The following SEZ6L2 variants were observed in gnomAD, a reference collection of about 807,000 sequenced individuals.
The protein encoded by SEZ6L2 is seizure related 6 homolog like 2, also known as seizure 6-like protein 2.
Under a neutral mutation model 97.0 loss-of-function variants are expected in SEZ6L2, and 44 were observed. The ratio of observed to expected loss-of-function variants is 0.45; its 90% CI spans 0.36 to 0.58. SEZ6L2 has a LOEUF of 0.58. SEZ6L2 is among the 20% of genes least tolerant of loss of function. The pLI, the probability that SEZ6L2 is intolerant of heterozygous loss-of-function variation, is 0.00. For missense variants in SEZ6L2, 1,086 were observed against 1,233.3 expected (o/e 0.88, Z 1.79); for synonymous variants, 543 against 546.1 (o/e 0.99, Z 0.08).
At chr16:29,892,414 T>C (rs1192952981) in intron 5 of SEZ6L2, among the ~76,000 whole-genome samples, 3 of 152,236 alleles carry the variant, frequency 2.0e-5, no homozygotes, top group African/African-American at 7.2e-5. Context: ...TGGGGAGCCA[T>C]ATCTTCAGAT....
chr16:29,889,902 T>C (rs1171283437), intron 5 of SEZ6L2, among the ~76,000 whole-genome samples: 1 of 151,730 alleles, frequency 6.6e-6, no homozygotes, highest in Non-Finnish European at 1.5e-5. Context: ...GACTATTTTG[T>C]CTTTTTGTTT....
In SEZ6L2 at chr16:29,896,985, G is replaced by T; in HGVS notation, c.348C>A (p.Gly116=). 2.5e-6 allele frequency: 4 copies of T among 1,590,858 alleles called. No homozygotes were observed. Among genetic ancestry groups the T allele is most frequent in the Non-Finnish European group, 1.7e-6 (2 of 1,171,084 alleles). The change falls in exon 3 of 18, where the codon GGC becomes GGA. Residue 116 remains glycine (G), a synonymous_variant. Transcript: ENST00000617533. ...GGGTCAGCAGTTCTGGCGCAGTGGG[G>T]CCTGCCCCCCTGACCCCGTTAGGGG... ...AVTPNGVRGA[G]PTAPELLTPP...
chr16:29,874,639 C>T (rs1213542627), intron 12 of SEZ6L2, among the ~76,000 whole-genome samples: 6 of 130,128 alleles, frequency 4.6e-5, no homozygotes, highest in Admixed American at 9.6e-5. Context: ...TGGCGCATCT[C>T]GGCTCACTGC....
Position 29,871,413 on chromosome 16 carries a change from C to G in SEZ6L2, c.*286G>C. 1.8e-6 allele frequency: 1 copy of G among 546,098 alleles called. No homozygotes were observed. The allele number at this position is 546,098 out of a possible 1,614,324, so 33.8% of individuals were successfully genotyped here. On this transcript the variant is annotated 3_prime_UTR_variant, in exon 18 of 18. Coordinates refer to ENST00000617533, the MANE Select transcript of SEZ6L2 (RefSeq NM_001243332.2). ...GGGGTGCCCTGGGCAGGAGGGGCTGCAAGATTTGCAGGGAGGCAGAGTTCC... is the reference window on the plus strand; with the variant it reads ...GGGGTGCCCTGGGCAGGAGGGGCTGGAAGATTTGCAGGGAGGCAGAGTTCC...
At chr16:29,879,493 G>T (rs950833838) in intron 9 of SEZ6L2, among the ~76,000 whole-genome samples, 4 of 152,182 alleles carry the variant, frequency 2.6e-5, no homozygotes, top group Non-Finnish European at 5.9e-5. Flanking sequence ...CCATAGTGCT[G>T]GTATTACAGG....
At chr16:29,889,861 C>T (rs535492332) in intron 5 of SEZ6L2, among the ~76,000 whole-genome samples, 2 of 151,702 alleles carry the variant, frequency 1.3e-5, no homozygotes, top group South Asian at 4.2e-4. Flanking sequence ...CTCCTGGCCT[C>T]AAGCAAACAT....
chr16:29,895,942 C>G (rs2068378264), intron 3 of SEZ6L2, 82 bp from the exon 4 acceptor site: 5 of 1,416,470 alleles, frequency 3.5e-6, no homozygotes, highest in Non-Finnish European at 3.8e-6. Flanking sequence ...CTTCATCTCC[C>G]TTCTCCTTAG....
At chr16:29,890,743 CTTTTTT>C (rs71143763) in intron 5 of SEZ6L2, among the ~76,000 whole-genome samples, 2 of 74,360 alleles carry the variant, frequency 2.7e-5, no homozygotes, top group East Asian at 4.7e-4. Context: ...TAACCATTGT[CTTTTTT>C]TTTTTTTTTT....
At chr16:29,896,678 G>A in intron 3 of SEZ6L2, 144 bp downstream of exon 3, 1 of 685,370 alleles carries the variant, frequency 1.5e-6, no homozygotes, top group Non-Finnish European at 2.5e-6. Flanking sequence ...ACATAGTAAG[G>A]GTACAGAAAT....
intron 12 of SEZ6L2, among the ~76,000 whole-genome samples, chr16:29,874,987 A>G (rs1481364698): frequency 6.6e-6 from 1 of 152,032 alleles, no homozygotes; most frequent in African/African-American, 2.4e-5. Flanking sequence ...CAATTCTCGC[A>G]CCACAGCCTT....
chr16:29,879,792 C>T lies in SEZ6L2; in HGVS notation c.1573+72G>A, dbSNP rs139627791. On this transcript the variant is annotated intron_variant, in intron 9 of 17. Transcript: ENST00000617533. ...TGGATGTGCAGCCTTCCTTTCTGAA[C>T]GGCCTTGCTGGGATCCCCAGTTCAG... 207 of 1,354,182 alleles carry T rather than the reference C, an allele frequency of 1.5e-4. No individual in the cohort carries two copies. In the East Asian group the frequency reaches 3.7e-3, roughly 24 times the overall value. 83.9% of individuals were successfully genotyped at this position (1,354,182 alleles called of 1,614,324 possible). A position where few individuals can be genotyped will look rare whatever the true frequency, so the allele number is the denominator to read the frequency against.
At chr16:29,885,453 G>T in intron 8 of SEZ6L2, 133 bp downstream of exon 8, 2 of 947,624 alleles carry the variant, frequency 2.1e-6, no homozygotes, top group African/African-American at 1.6e-5. Flanking sequence ...TTTGGGGCAG[G>T]GAAGCGAGTC....
At chr16:29,874,476 T>C (rs1392320032) in intron 12 of SEZ6L2, among the ~76,000 whole-genome samples, 1 of 151,418 alleles carries the variant, frequency 6.6e-6, no homozygotes, top group Non-Finnish European at 1.5e-5. Context: ...CATAGCCATT[T>C]CTTGTATATA....
chr16:29,872,356 C>G, intron 16 of SEZ6L2, 53 bp downstream of exon 16: 1 of 1,603,446 alleles, frequency 6.2e-7, no homozygotes, highest in Middle Eastern at 1.7e-4. Context: ...GGCTCCAGTG[C>G]CAGGCTCGCA....
rs2067829589 is a variant in SEZ6L2 at position 29,873,408 on chromosome 16, G to A, written c.2320C>T (p.Pro774Ser). 6.2e-7 allele frequency: 1 copy of A among 1,614,250 alleles called. No homozygotes were observed. The highest frequency in any genetic ancestry group is 8.5e-7 in the Non-Finnish European group (1 of 1,180,044). The change falls in exon 14 of 18, where the codon CCG (proline) becomes TCG (serine). Residue 774 changes from proline (P) to serine (S), a missense_variant. By Grantham distance (74) the Pro-to-Ser change is moderately conservative (BLOSUM62 -1). This residue lies in a region of SEZ6L2 where 310 missense variants were observed against 438.6 expected (regional missense o/e 0.71). Transcript: ENST00000617533. The surrounding 1 kb of genome is among the most constrained non-coding windows in gnomAD (Gnocchi z 4.3). ...CALKYEPCLN[P>S]GVPENGYQTL... ...TGGTAGCCATTCTCGGGAACCCCCGGGTTCAGGCACGGCTCGTACTTCACT... is the reference window on the plus strand; with the variant it reads ...TGGTAGCCATTCTCGGGAACCCCCGAGTTCAGGCACGGCTCGTACTTCACT...
rs770361079 is a variant in SEZ6L2, at chr16:29,896,814, C to T, written c.511+8G>A. The T allele has an allele frequency of 3.5e-5, 57 of 1,612,058 alleles. No individual in the cohort carries two copies. Among genetic ancestry groups the T allele is most frequent in the Admixed American group, 1.2e-4 (7 of 59,852 alleles). ...CCTCCCACCCCCATCCCCTTGCTGT[C>T]GCCTCACCTGGGCTGGTCACCGTAG... On this transcript the variant is annotated splice_region_variant and intron_variant, in intron 3 of 17. Coordinates refer to ENST00000617533, the MANE Select transcript of SEZ6L2 (RefSeq NM_001243332.2).
In SEZ6L2 at chr16:29,895,725, A is replaced by G. The variant is rs957392466; in HGVS notation, c.647T>C (p.Ile216Thr). The G allele has an allele frequency of 6.2e-7, 1 of 1,612,618 alleles. No individual in the cohort carries two copies. The highest frequency in any genetic ancestry group is 1.7e-4 in the Middle Eastern group (1 of 6,050). Reference protein sequence around the residue: ...IHVYPGYGIEIQVQTLNLSQE... With the variant: ...IHVYPGYGIETQVQTLNLSQE... ...CACATGCTTTGGTCCAGTTACCTGG[A>G]TCTCAATGCCGTAGCCAGGGTAGAC... The change falls in exon 4 of 18, where the codon ATC becomes ACC. Residue 216 changes from isoleucine (I) to threonine (T), a missense_variant. Physicochemically the swap from Ile to Thr is moderately conservative, Grantham distance 89. Transcript: ENST00000617533.
At chr16:29,895,906 T>C in intron 3 of SEZ6L2, 46 bp from the exon 4 acceptor site, 1 of 1,563,684 alleles carries the variant, frequency 6.4e-7, no homozygotes, top group Non-Finnish European at 8.7e-7. Context: ...CCTGTGCTTT[T>C]GCCCTCCCAG....
chr16:29,897,787 C>A (rs1322979426), intron 2 of SEZ6L2, 66 bp downstream of exon 2: 1 of 1,508,410 alleles, frequency 6.6e-7, no homozygotes, highest in East Asian at 2.4e-5. Context: ...GCCTGGCTCC[C>A]CATCTCCCTG....
Sources: allele counts gnomAD v4.1 joint callset (sites outside exome capture counted in the v4.1 genomes callset), GRCh38; gene constraint gnomAD v4.1.1; regional missense constraint gnomAD v4.1.1; non-coding constraint Gnocchi (gnomAD v3.1); transcripts MANE v1.5; gene names NCBI Gene and HGNC (gene_info 2026-07-23, HGNC 2026-07-21).